The following ALOX5AP variants were observed in gnomAD, a reference collection of about 807,000 sequenced individuals.
ALOX5AP encodes the protein arachidonate 5-lipoxygenase activating protein.
A neutral mutation model predicts 18.5 loss-of-function variants in ALOX5AP; 9 were observed. That is an observed-to-expected ratio of 0.49 (90% CI 0.29 to 0.85). The LOEUF is 0.85. Among genes scored for constraint, ALOX5AP ranks in the 40% least tolerant of loss-of-function variants. ALOX5AP has a pLI of 0.08. For missense variants in ALOX5AP, 172 were observed against 202.5 expected, an observed-to-expected ratio of 0.85 and a Z score of 0.91; for synonymous variants, 81 against 78.6, an observed-to-expected ratio of 1.03 and a Z score of -0.16.
In ALOX5AP at chr13:30,735,658, T is replaced by A. The variant is rs775787793; in HGVS notation, c.53T>A (p.Ile18Asn). The A allele has an allele frequency of 1.9e-6, 3 of 1,614,114 alleles. No individual in the cohort carries two copies. The highest frequency in any genetic ancestry group is 2.5e-6 in the Non-Finnish European group (3 of 1,180,008). Reference protein sequence around the residue: ...NVVLLAIVTLISVVQNGFFAH... With the variant: ...NVVLLAIVTLNSVVQNGFFAH... Reference sequence around the variant, plus strand: ...GTCCTGTTGGCCATCGTCACCCTCATCAGCGTGGTCCAGAATGGTAAGGAA... The same window carrying A: ...GTCCTGTTGGCCATCGTCACCCTCAACAGCGTGGTCCAGAATGGTAAGGAA... Residue 18 changes from isoleucine (I) to asparagine (N), a missense_variant, in exon 1 of 5, where the codon ATC (isoleucine) becomes AAC (asparagine). Ile to Asn is a moderately radical substitution (Grantham distance 149). Transcript: ENST00000380490.
In ALOX5AP at chr13:30,735,576, G is replaced by A; in HGVS notation, c.-30G>A. The stretch of plus-strand genomic sequence containing the variant: ...GGCAGGTTGTGCAGCTGGAGGCAGA[G>A]CAGTCCTCTCTGGGGAGCCTGAAGC... On this transcript the variant is annotated 5_prime_UTR_variant, in exon 1 of 5. Coordinates refer to ENST00000380490, the MANE Select transcript of ALOX5AP (RefSeq NM_001629.4). 5 of 1,613,852 alleles carry A rather than the reference G, an allele frequency of 3.1e-6. No individual in the cohort carries two copies. Among genetic ancestry groups the A allele is most frequent in the Non-Finnish European group, 4.2e-6 (5 of 1,179,898 alleles).
At chr13:30,731,910 C>T (rs930210195), upstream of ALOX5AP, among the ~76,000 whole-genome samples, 13 of 152,378 alleles carry the variant, frequency 8.5e-5, no homozygotes, top group African/African-American at 2.6e-4. Context: ...GCGCTCCCCT[C>T]CCCGGCTCTC....
upstream of ALOX5AP, among the ~76,000 whole-genome samples, chr13:30,734,516 T>C (rs1348148679): frequency 1.3e-5 from 2 of 152,232 alleles, no homozygotes; most frequent in Non-Finnish European, 2.9e-5. Flanking sequence ...GCATTTTCCA[T>C]GTAACCTCAG....
chr13:30,727,068 T>A (rs1005919767), intron 1 of ALOX5AP, among the ~76,000 whole-genome samples: 2 of 151,982 alleles, frequency 1.3e-5, no homozygotes, highest in Non-Finnish European at 2.9e-5. Flanking sequence ...GCCTTTTTTT[T>A]TTTTTTCCAA....
chr13:30,742,839 G>A (rs932536574), intron 1 of ALOX5AP, among the ~76,000 whole-genome samples: 5 of 150,838 alleles, frequency 3.3e-5, no homozygotes, highest in Admixed American at 1.3e-4. Flanking sequence ...AAGGGGAGAG[G>A]GGGCAGAGAG....
intron 4 of ALOX5AP, among the ~76,000 whole-genome samples, chr13:30,762,815 CTA>C (rs1951953198): frequency 6.6e-6 from 1 of 152,070 alleles, no homozygotes; most frequent in East Asian, 1.9e-4. Context: ...AGGATCTTTA[CTA>C]ACAATCCTCC....
At chr13:30,754,550 A>G (rs550675158) in intron 3 of ALOX5AP, among the ~76,000 whole-genome samples, 26 of 152,312 alleles carry the variant, frequency 1.7e-4, no homozygotes, top group African/African-American at 6.3e-4. Flanking sequence ...AAAACTGCCA[A>G]TATCTGGCTA....
rs117624071 is a variant in ALOX5AP at position 30,748,788 on chromosome 13, T to G, written c.171-3264T>G. ...ATTACTAATGTCTCCATCCACCTCT[T>G]GTAGATGAGCAAACTGAGGCTCATT... On this transcript the variant is annotated intron_variant, in intron 2 of 4. Coordinates refer to ENST00000380490, the MANE Select transcript of ALOX5AP (RefSeq NM_001629.4). Among the ~76,000 whole-genome samples, 100 of 152,300 alleles carry G rather than the reference T, an allele frequency of 6.6e-4. 2 individuals carry two copies. In the East Asian group the frequency reaches 0.018, roughly 28 times the overall value.
intron 1 of ALOX5AP, among the ~76,000 whole-genome samples, chr13:30,737,149 C>T (rs552250385): frequency 2.6e-5 from 4 of 152,352 alleles, no homozygotes; most frequent in East Asian, 1.9e-4. Flanking sequence ...TGAGGAGCAT[C>T]GGTGGACAGG....
At chr13:30,727,538 A>C (rs1250549679) in intron 1 of ALOX5AP, among the ~76,000 whole-genome samples, 2 of 152,122 alleles carry the variant, frequency 1.3e-5, no homozygotes, top group African/African-American at 4.8e-5. Context: ...TGAGATGAGG[A>C]AGGTGGGAGT....
chr13:30,717,304 G>A (rs1320181146), intron 1 of ALOX5AP, among the ~76,000 whole-genome samples: 1 of 152,192 alleles, frequency 6.6e-6, no homozygotes, highest in Non-Finnish European at 1.5e-5. Flanking sequence ...ACTTACAGCA[G>A]CATAACAACA....
chr13:30,731,089 C>T (rs547998925), upstream of ALOX5AP, among the ~76,000 whole-genome samples: 5 of 152,302 alleles, frequency 3.3e-5, no homozygotes, highest in Non-Finnish European at 5.9e-5. Flanking sequence ...GTTACCTTTG[C>T]TAACGGTCAG....
chr13:30,718,046 G>A (rs1219316167), intron 1 of ALOX5AP, among the ~76,000 whole-genome samples: 9 of 151,182 alleles, frequency 6.0e-5, no homozygotes, highest in South Asian at 4.2e-4. Context: ...TGCAACCTCC[G>A]CCTCCCAGGT....
intron 1 of ALOX5AP, among the ~76,000 whole-genome samples, chr13:30,724,524 A>C (rs1277499263): frequency 6.6e-6 from 1 of 152,204 alleles, no homozygotes; most frequent in Non-Finnish European, 1.5e-5. Context: ...GATGGTGCTT[A>C]AAGTGGCTGT....
At chr13:30,718,096 A>T (rs1358560349) in intron 1 of ALOX5AP, among the ~76,000 whole-genome samples, 1 of 151,570 alleles carries the variant, frequency 6.6e-6, no homozygotes, top group African/African-American at 2.4e-5. Flanking sequence ...AGTAGCTGGG[A>T]TTACAGGCGT....
rs552818521 is a variant in ALOX5AP at position 30,747,799 on chromosome 13, C to A, written c.170+3640C>A. Among the ~76,000 whole-genome samples, 3 of 152,260 alleles carry A rather than the reference C, an allele frequency of 2.0e-5. No individual in the cohort carries two copies. In the East Asian group the frequency reaches 5.8e-4, roughly 29 times the overall value. Reference sequence around the variant, plus strand: ...GAATGTATTATTTAACTACAGACACCCCTACCGCCCACTTTTTGCAGAGTG... The same window carrying A: ...GAATGTATTATTTAACTACAGACACACCTACCGCCCACTTTTTGCAGAGTG... On this transcript the variant is annotated intron_variant, in intron 2 of 4. Transcript: ENST00000380490.
chr13:30,746,992 A>C (rs1951814707), intron 2 of ALOX5AP, among the ~76,000 whole-genome samples: 1 of 152,222 alleles, frequency 6.6e-6, no homozygotes, highest in Non-Finnish European at 1.5e-5. Context: ...ACTGATACAG[A>C]TAGCTCAAGA....
At chr13:30,722,807 AT>A (rs1951604530) in intron 1 of ALOX5AP, among the ~76,000 whole-genome samples, 1 of 152,186 alleles carries the variant, frequency 6.6e-6, no homozygotes, top group African/African-American at 2.4e-5. Context: ...GCAAGAACTG[AT>A]TGTTAAAAGA....
chr13:30,718,555 T>G (rs1465284385), intron 1 of ALOX5AP, among the ~76,000 whole-genome samples: 1 of 152,100 alleles, frequency 6.6e-6, no homozygotes, highest in Non-Finnish European at 1.5e-5. Context: ...CACCATGAAC[T>G]GCAAACTCTC....
Sources: gnomAD v4.1 joint callset for allele counts (sites outside exome capture counted in the v4.1 genomes callset) on GRCh38, gnomAD v4.1.1 for gene constraint, MANE v1.5 for transcripts, NCBI Gene and HGNC (gene_info 2026-07-23, HGNC 2026-07-21) for gene names.